Variants in RERE observed in about 807,000 individuals in gnomAD.
RERE encodes arginine-glutamic acid dipeptide repeats protein.
Under a neutral mutation model 146.1 loss-of-function variants are expected in RERE, and 40 were observed. The observed-to-expected ratio is 0.27, with a 90% confidence interval of 0.21 to 0.36. The LOEUF (loss-of-function observed/expected upper bound fraction) is 0.36. Ranked by LOEUF, RERE falls within the 10% of genes least tolerant of loss-of-function variation. RERE has a pLI of 1.00. For synonymous variants in RERE, 1,003 were observed against 866.0 expected (o/e 1.16, Z -2.78); for missense variants, 1,933 against 2,138.7 (o/e 0.90, Z 1.90).
At chr1:8,587,494 T>A (rs1306139443) in intron 4 of RERE, among the ~76,000 whole-genome samples, 3 of 152,254 alleles carry the variant, frequency 2.0e-5, no homozygotes, top group South Asian at 2.1e-4. Flanking sequence ...TAACTTCACA[T>A]CCCTCCCCTC....
chr1:8,751,065 C>G, intron 1 of RERE: 1 of 560,770 alleles, frequency 1.8e-6, no homozygotes. Flanking sequence ...TTCAAATTAT[C>G]TTCTCCATGA....
chr1:8,381,405 T>C (rs991271884), intron 12 of RERE, among the ~76,000 whole-genome samples: 3 of 151,982 alleles, frequency 2.0e-5, no homozygotes, highest in Non-Finnish European at 2.9e-5. Flanking sequence ...CACACAGACA[T>C]AGAAGAATTA....
At chr1:8,714,523 C>T (rs2124463881) in intron 1 of RERE, among the ~76,000 whole-genome samples, 1 of 152,270 alleles carries the variant, frequency 6.6e-6, no homozygotes, top group Middle Eastern at 3.4e-3. Flanking sequence ...CACACACAGC[C>T]TCAAAACATT....
chr1:8,649,822 G>A (rs79777413), intron 2 of RERE, among the ~76,000 whole-genome samples: 2,312 of 152,100 alleles, frequency 0.015, 59 homozygotes, highest in African/African-American at 0.053. Context: ...ATGAGTGGGG[G>A]AAAATAAGAA....
intron 4 of RERE, among the ~76,000 whole-genome samples, chr1:8,593,092 C>T (rs955505026): frequency 6.6e-6 from 1 of 152,132 alleles, no homozygotes; most frequent in African/African-American, 2.4e-5. Context: ...TGGTTTCAGA[C>T]ATGTCCAACT....
At chr1:8,442,711 G>A (rs1644265917) in intron 11 of RERE, among the ~76,000 whole-genome samples, 1 of 152,202 alleles carries the variant, frequency 6.6e-6, no homozygotes, top group African/African-American at 2.4e-5. Context: ...TTGCAACGGG[G>A]TAATGGACAG....
intron 10 of RERE, among the ~76,000 whole-genome samples, chr1:8,472,945 C>T (rs1644707439): frequency 6.6e-6 from 1 of 151,942 alleles, no homozygotes; most frequent in East Asian, 1.9e-4. Context: ...TGCATGACTG[C>T]ACTTCTACCC....
At chr1:8,750,504 C>T in intron 1 of RERE, 2 of 1,089,860 alleles carry the variant, frequency 1.8e-6, no homozygotes, top group Non-Finnish European at 1.4e-6. Context: ...AGGAATTTCA[C>T]AGAGCTGAAG....
intron 1 of RERE, among the ~76,000 whole-genome samples, chr1:8,746,771 G>A (rs902516664): frequency 6.6e-6 from 1 of 150,570 alleles, no homozygotes; most frequent in Non-Finnish European, 1.5e-5. Flanking sequence ...GAAGGCCTGT[G>A]TGGCTGGGGC....
intron 1 of RERE, among the ~76,000 whole-genome samples, chr1:8,803,553 TTAC>T (rs1285509769): frequency 6.6e-6 from 1 of 152,146 alleles, no homozygotes; most frequent in African/African-American, 2.4e-5. Flanking sequence ...TAATCCCAAG[TTAC>T]TAAAGTTTTG....
At position 8,353,955 on chromosome 1, in the gene RERE, C is replaced by T. The variant is rs1404557115; in HGVS notation, c.*1132G>A. ...TGCGCATGAGAAGGCAGCCTTCTAA[C>T]ACATCCCTTTGGCAGGCATATGTCC... On this transcript the variant is annotated 3_prime_UTR_variant, in exon 23 of 23. Coordinates refer to ENST00000400908, the MANE Select transcript of RERE (RefSeq NM_001042681.2). 6.6e-6 allele frequency: 1 copy of T among 152,650 alleles called. No homozygotes were observed. The highest frequency in any genetic ancestry group is 1.5e-5 in the Non-Finnish European group (1 of 68,032). The allele number at this position is 152,650 out of a possible 1,614,324, so 9.5% of individuals were successfully genotyped here. A position where few individuals can be genotyped will look rare whatever the true frequency, so the allele number is the denominator to read the frequency against.
chr1:8,728,382 T>C (rs1640013555), intron 1 of RERE, among the ~76,000 whole-genome samples: 2 of 152,054 alleles, frequency 1.3e-5, no homozygotes, highest in South Asian at 2.1e-4. Context: ...ACTGGTAGTA[T>C]AGCTTGCCTC....
chr1:8,460,683 C>T (rs1484299775), intron 11 of RERE, among the ~76,000 whole-genome samples: 1 of 152,076 alleles, frequency 6.6e-6, no homozygotes, highest in Non-Finnish European at 1.5e-5. Context: ...GCTATAGTTA[C>T]CCAAGATGAA....
chr1:8,405,168 T>C (rs1012724299), intron 12 of RERE, among the ~76,000 whole-genome samples: 2 of 152,206 alleles, frequency 1.3e-5, no homozygotes, highest in South Asian at 2.1e-4. Context: ...GCTCTGCTGG[T>C]AGCGGTATGC....
intron 4 of RERE, among the ~76,000 whole-genome samples, chr1:8,576,184 T>A (rs1646292260): frequency 6.6e-6 from 1 of 152,114 alleles, no homozygotes; most frequent in Non-Finnish European, 1.5e-5. Flanking sequence ...AAGGGGTATT[T>A]ATTTGGCAAC....
rs546227385 is a variant in RERE, at chr1:8,604,674, A to C, written c.522+9887T>G. Among the ~76,000 whole-genome samples, 114 of 149,992 alleles carry C rather than the reference A, an allele frequency of 7.6e-4. 1 individual carries two copies. The highest frequency in any genetic ancestry group is 2.3e-3 in the African/African-American group (94 of 40,320). ...GAAGGAAGGAAGGAAGGAAGGAAGG[A>C]AGTCCACATATCTGTAAGGTGGGCA... On this transcript the variant is annotated intron_variant, in intron 4 of 22. Coordinates refer to ENST00000400908, the MANE Select transcript of RERE (RefSeq NM_001042681.2).
intron 8 of RERE, among the ~76,000 whole-genome samples, chr1:8,507,985 C>T (rs1645279872): frequency 6.6e-6 from 1 of 152,116 alleles, no homozygotes; most frequent in South Asian, 2.1e-4. Flanking sequence ...GAGATCTGCC[C>T]ACCTCAACCT....
intron 1 of RERE, among the ~76,000 whole-genome samples, chr1:8,736,847 G>C (rs1347456443): frequency 1.2e-5 from 1 of 80,048 alleles, no homozygotes; most frequent in Non-Finnish European, 2.3e-5. Context: ...GGAGAAGCAA[G>C]GGGGAAAAAA....
At chr1:8,797,505 C>A (rs1468720008) in intron 1 of RERE, among the ~76,000 whole-genome samples, 1 of 152,138 alleles carries the variant, frequency 6.6e-6, no homozygotes, top group East Asian at 1.9e-4. Flanking sequence ...ATTAAGAAAT[C>A]TCTGGAATAA....
Sources: gnomAD v4.1 joint callset for allele counts (sites outside exome capture counted in the v4.1 genomes callset) on GRCh38, gnomAD v4.1.1 for gene constraint, MANE v1.5 for transcripts, NCBI Gene and HGNC (gene_info 2026-07-23, HGNC 2026-07-21) for gene names.